The following ZDHHC21 variants were observed in gnomAD, a reference collection of about 807,000 sequenced individuals.
ZDHHC21 encodes the protein palmitoyltransferase ZDHHC21.
Under a neutral mutation model 34.6 loss-of-function variants are expected in ZDHHC21, and 15 were observed. The ratio of observed to expected loss-of-function variants is 0.43; its 90% confidence interval spans 0.29 to 0.67. ZDHHC21 has a LOEUF of 0.67. ZDHHC21 is among the 30% of genes least tolerant of loss of function. The pLI is 0.14. For missense variants in ZDHHC21, 344 were observed against 327.7 expected (o/e 1.05, Z -0.38); for synonymous variants, 142 against 101.8 (o/e 1.40, Z -2.38).
chr9:14,654,587 C>A (rs1286179572), intron 7 of ZDHHC21, among the ~76,000 whole-genome samples: 1 of 151,824 alleles, frequency 6.6e-6, no homozygotes, highest in African/African-American at 2.4e-5. Flanking sequence ...TTATCAAACA[C>A]AGACATTAAA....
chr9:14,593,692 G>C, the ZDHHC21 span: 13 of 152,556 alleles, frequency 8.5e-5, no homozygotes, highest in African/African-American at 2.9e-4. Context: ...GTCACTTCTG[G>C]ACATGTCCCT....
chr9:14,655,594 G>A (rs1832064395), intron 7 of ZDHHC21, among the ~76,000 whole-genome samples: 1 of 151,496 alleles, frequency 6.6e-6, no homozygotes, highest in Non-Finnish European at 1.5e-5. Context: ...GCTTTCATTA[G>A]GTGCACAATG....
intron 8 of ZDHHC21, among the ~76,000 whole-genome samples, chr9:14,639,684 CTG>C (rs547183275): frequency 3.3e-3 from 495 of 152,104 alleles, no homozygotes; most frequent in Non-Finnish European, 5.5e-3. Context: ...TATAAAAACA[CTG>C]TATTTGTTAG....
At chr9:14,648,443 C>T (rs138737494) in intron 7 of ZDHHC21, among the ~76,000 whole-genome samples, 1,688 of 152,146 alleles carry the variant, frequency 0.011, 22 homozygotes, top group African/African-American at 0.038. Context: ...CTACTCTCAA[C>T]TCATCATCTC....
intron 8 of ZDHHC21, among the ~76,000 whole-genome samples, chr9:14,630,692 C>T (rs892971944): frequency 6.6e-6 from 1 of 152,194 alleles, no homozygotes; most frequent in African/African-American, 2.4e-5. Flanking sequence ...GAAATTACTA[C>T]TCCTTGATCC....
chr9:14,613,844 T>C lies in ZDHHC21; in HGVS notation c.*5122A>G, dbSNP rs893882674. The C allele has an allele frequency of 2.6e-5, 4 of 151,774 alleles. No individual in the cohort carries two copies. The highest frequency in any genetic ancestry group is 4.8e-5 in the African/African-American group (2 of 41,412). 9.4% of individuals were successfully genotyped at this position (151,774 alleles called of 1,614,324 possible). On this transcript the variant is annotated 3_prime_UTR_variant, in exon 10 of 10. Coordinates refer to ENST00000380916, the MANE Select transcript of ZDHHC21 (RefSeq NM_178566.6). ...AGGTGCCAGTTTTTTCAAACTTTGGTCAACCTATTCATTTCTCCTCTGCAT... is the reference window on the plus strand; with the variant it reads ...AGGTGCCAGTTTTTTCAAACTTTGGCCAACCTATTCATTTCTCCTCTGCAT...
At chr9:14,670,167 A>G (rs1215242777) in intron 5 of ZDHHC21, among the ~76,000 whole-genome samples, 1 of 152,118 alleles carries the variant, frequency 6.6e-6, no homozygotes, top group African/African-American at 2.4e-5. Flanking sequence ...AAACATAAAC[A>G]CGGTGTATTC....
chr9:14,693,367 C>G lies in ZDHHC21; in HGVS notation c.-363G>C. 2 of 397,838 alleles carry G rather than the reference C, an allele frequency of 5.0e-6. No homozygotes were observed. Among genetic ancestry groups the G allele is most frequent in the South Asian group, 1.7e-5 (1 of 57,516 alleles). The allele number at this position is 397,838 out of a possible 1,614,324, so 24.6% of individuals were successfully genotyped here. ...CGCTCTCCCCTTCCGCTTCCGGGAG[C>G]CTGAGGGCCTGGACCGGCCGAGTGG... is the stretch of plus-strand genomic sequence containing the variant. On this transcript the variant is annotated 5_prime_UTR_variant, in exon 1 of 10. Transcript: ENST00000380916.
chr9:14,632,014 T>G (rs537024847), intron 8 of ZDHHC21, among the ~76,000 whole-genome samples: 1 of 150,738 alleles, frequency 6.6e-6, no homozygotes, highest in Admixed American at 6.6e-5. Flanking sequence ...ACCGAAAGAC[T>G]TACTCAATGC....
At chr9:14,666,315 T>C (rs964439786) in intron 5 of ZDHHC21, among the ~76,000 whole-genome samples, 14 of 133,234 alleles carry the variant, frequency 1.1e-4, no homozygotes, top group African/African-American at 3.8e-4. Flanking sequence ...TAAATATATA[T>C]GCACCCAATA....
At chr9:14,593,600 G>A in the ZDHHC21 span, 3 of 152,220 alleles carry the variant, frequency 2.0e-5, no homozygotes, top group Non-Finnish European at 2.9e-5. Flanking sequence ...GGATTAAAGA[G>A]GAAATGCGTT....
At chr9:14,655,863 T>A (rs1017127316) in intron 7 of ZDHHC21, among the ~76,000 whole-genome samples, 1 of 15,426 alleles carries the variant, frequency 6.5e-5, no homozygotes, top group Middle Eastern at 0.031. Context: ...TAAAAGATAA[T>A]TTTTTAATGA....
chr9:14,647,652 A>C (rs558106818), intron 7 of ZDHHC21, among the ~76,000 whole-genome samples: 17 of 142,528 alleles, frequency 1.2e-4, no homozygotes, highest in African/African-American at 4.4e-4. Flanking sequence ...TCCACAGTCC[A>C]TCATGATAAT....
At chr9:14,661,112 T>G (rs1236472187) in intron 6 of ZDHHC21, among the ~76,000 whole-genome samples, 2 of 152,226 alleles carry the variant, frequency 1.3e-5, no homozygotes, top group Non-Finnish European at 2.9e-5. Flanking sequence ...TACACTACTC[T>G]ATCTTGTTGA....
the ZDHHC21 span, among the ~76,000 whole-genome samples, chr9:14,591,297 G>A: frequency 2.0e-5 from 3 of 151,952 alleles, no homozygotes; most frequent in Admixed American, 2.0e-4. Flanking sequence ...GAGATTATTA[G>A]GTCATGAGGG....
At chr9:14,681,719 A>G (rs1270925289) in intron 2 of ZDHHC21, among the ~76,000 whole-genome samples, 2 of 123,154 alleles carry the variant, frequency 1.6e-5, no homozygotes, top group African/African-American at 5.7e-5. Context: ...ATGGTAACTT[A>G]TAAGGGGAAT....
chr9:14,683,545 G>A (rs1257773455), intron 2 of ZDHHC21: 2 of 152,254 alleles, frequency 1.3e-5, no homozygotes, highest in African/African-American at 4.8e-5. Context: ...CTCTGAAATT[G>A]AGGCAATAAT....
the ZDHHC21 span, among the ~76,000 whole-genome samples, chr9:14,603,478 A>G: frequency 6.6e-6 from 1 of 152,052 alleles, no homozygotes. Context: ...AAAATGTGCT[A>G]AACAAAAAAT....
intron 2 of ZDHHC21, among the ~76,000 whole-genome samples, chr9:14,686,577 T>C (rs1410734609): frequency 6.6e-6 from 1 of 152,226 alleles, no homozygotes; most frequent in African/African-American, 2.4e-5. Context: ...TCCATAGTTA[T>C]TAGATCGTCA....
Sources: allele counts gnomAD v4.1 joint callset (sites outside exome capture counted in the v4.1 genomes callset), GRCh38; gene constraint gnomAD v4.1.1; transcripts MANE v1.5; gene names NCBI Gene and HGNC (gene_info 2026-07-23, HGNC 2026-07-21).